The following RPS6KA2 variants were observed in gnomAD, a reference collection of about 807,000 sequenced individuals.
The protein encoded by RPS6KA2 is ribosomal protein S6 kinase A2.
RPS6KA2 carries 42 observed loss-of-function variants against 91.8 expected under a neutral mutation model. The ratio of observed to expected loss-of-function variants is 0.46; its 90% CI spans 0.36 to 0.59. The LOEUF (loss-of-function observed/expected upper bound fraction) is 0.59. RPS6KA2 is among the 20% of genes least tolerant of loss of function. The probability of loss-of-function intolerance (pLI) is 0.00; values close to 1 mark genes in which losing one functional copy is unlikely to be tolerated. For synonymous variants in RPS6KA2, 414 were observed against 393.6 expected, an observed-to-expected ratio of 1.05 and a Z score of -0.61; for missense variants, 798 against 978.5, an observed-to-expected ratio of 0.82 and a Z score of 2.46.
At chr6:166,722,484 G>A (rs1289956767) in intron 2 of RPS6KA2, among the ~76,000 whole-genome samples, 8 of 152,212 alleles carry the variant, frequency 5.3e-5, no homozygotes, top group East Asian at 1.9e-4. Context: ...TAAAATCACC[G>A]TGGCCCACGC....
At chr6:166,824,753 C>G (rs1485473665) in intron 2 of RPS6KA2, among the ~76,000 whole-genome samples, 88 of 108,900 alleles carry the variant, frequency 8.1e-4, no homozygotes, top group African/African-American at 2.8e-3. Context: ...GTCTGTATGT[C>G]TGTGTGTGTG....
intron 1 of RPS6KA2, among the ~76,000 whole-genome samples, chr6:166,550,757 C>G (rs1783977005): frequency 6.6e-6 from 1 of 152,072 alleles, no homozygotes; most frequent in Non-Finnish European, 1.5e-5. Flanking sequence ...AATCCCAGCA[C>G]TTTGGGAGGC....
intron 2 of RPS6KA2, among the ~76,000 whole-genome samples, chr6:166,708,344 C>T (rs1182744455): frequency 3.3e-5 from 5 of 152,154 alleles, no homozygotes; most frequent in African/African-American, 1.2e-4. Context: ...AAACATTATA[C>T]AGTTGGATAA....
chr6:166,855,711 T>C (rs1780881876), intron 2 of RPS6KA2, among the ~76,000 whole-genome samples: 1 of 152,336 alleles, frequency 6.6e-6, no homozygotes, highest in Middle Eastern at 3.4e-3. Flanking sequence ...AAAAACTCCA[T>C]GTTGGGTTTT....
chr6:166,567,959 C>A (rs1371620088), intron 1 of RPS6KA2, among the ~76,000 whole-genome samples: 1 of 152,216 alleles, frequency 6.6e-6, no homozygotes, highest in African/African-American at 2.4e-5. Flanking sequence ...AGTCCAAGGG[C>A]ACGCCAGTGC....
intron 5 of RPS6KA2, among the ~76,000 whole-genome samples, chr6:166,507,099 T>A (rs1168246321): frequency 6.6e-6 from 1 of 152,004 alleles, no homozygotes; most frequent in African/African-American, 2.4e-5. Flanking sequence ...CCACACCCGA[T>A]GCTCCCGAAC....
intron 2 of RPS6KA2, among the ~76,000 whole-genome samples, chr6:166,815,641 A>G (rs1779741710): frequency 6.6e-6 from 1 of 152,226 alleles, no homozygotes; most frequent in Non-Finnish European, 1.5e-5. Flanking sequence ...CCCAGTATGC[A>G]GGGCCATTCA....
chr6:166,717,160 G>T (rs1790036599), intron 2 of RPS6KA2, among the ~76,000 whole-genome samples: 1 of 152,250 alleles, frequency 6.6e-6, no homozygotes, highest in Non-Finnish European at 1.5e-5. Flanking sequence ...CAACTAGCAG[G>T]TAAGGAAGAG....
chr6:166,845,973 C>T (rs111838562), intron 2 of RPS6KA2, among the ~76,000 whole-genome samples: 5,181 of 151,454 alleles, frequency 0.034, 278 homozygotes, highest in African/African-American at 0.12. Flanking sequence ...CGAGATTAAC[C>T]AAGAAAAAAA....
At chr6:166,742,951 C>T (rs963896848) in intron 2 of RPS6KA2, among the ~76,000 whole-genome samples, 2 of 152,200 alleles carry the variant, frequency 1.3e-5, no homozygotes, top group African/African-American at 4.8e-5. Flanking sequence ...CATCCACCTA[C>T]CAGAGAGCAG....
At chr6:166,573,077 G>A (rs1443588652) in intron 1 of RPS6KA2, among the ~76,000 whole-genome samples, 1 of 152,212 alleles carries the variant, frequency 6.6e-6, no homozygotes, top group African/African-American at 2.4e-5. Context: ...AAGCTCTCGG[G>A]AGCCCTCCTT....
intron 2 of RPS6KA2, among the ~76,000 whole-genome samples, chr6:166,856,781 C>G (rs942049796): frequency 3.9e-5 from 6 of 152,168 alleles, no homozygotes; most frequent in African/African-American, 1.4e-4. Flanking sequence ...CCTTTCCTAC[C>G]CCTACCACTT....
intron 2 of RPS6KA2, among the ~76,000 whole-genome samples, chr6:166,794,427 C>A (rs1162241307): frequency 6.6e-6 from 1 of 151,976 alleles, no homozygotes; most frequent in East Asian, 1.9e-4. Flanking sequence ...CTAGTTCAAC[C>A]ATTGTGGAAG....
chr6:166,849,183 T>C lies in RPS6KA2; in HGVS notation c.123+9017A>G, dbSNP rs1780675229. On this transcript the variant is annotated intron_variant, in intron 2 of 21. Coordinates refer to the RPS6KA2 transcript ENST00000503859. This position sits in a 1 kb window ranked among gnomAD's most constrained non-coding sequence, Gnocchi z 4.9. ...CTGTCTGTCTGTCTGTCTGGGACAATCCACCCCTGGTCTTGCTGGTTGGTT... is the reference window on the plus strand; with the variant it reads ...CTGTCTGTCTGTCTGTCTGGGACAACCCACCCCTGGTCTTGCTGGTTGGTT... Among the ~76,000 whole-genome samples the C allele has an allele frequency of 6.6e-6, 1 of 151,824 alleles. No homozygotes were observed. Among genetic ancestry groups the C allele is most frequent in the East Asian group, 2.0e-4 (1 of 5,048 alleles).
chr6:166,716,659 G>A (rs1790022152), intron 2 of RPS6KA2, among the ~76,000 whole-genome samples: 1 of 152,076 alleles, frequency 6.6e-6, no homozygotes. Flanking sequence ...TGGAAAAGGG[G>A]GGTTGTAATA....
At chr6:166,586,970 G>C (rs1482340668) in intron 1 of RPS6KA2, among the ~76,000 whole-genome samples, 1 of 152,158 alleles carries the variant, frequency 6.6e-6, no homozygotes, top group African/African-American at 2.4e-5. Flanking sequence ...CCAATGGAGT[G>C]TGTCTGGATG....
upstream of RPS6KA2, among the ~76,000 whole-genome samples, chr6:166,629,958 G>C (rs541509667): frequency 0.014 from 2,171 of 152,232 alleles, 56 homozygotes; most frequent in African/African-American, 0.05. Context: ...TGGAAGAGAA[G>C]GTGAGTGAAC....
chr6:166,694,404 G>A (rs924895568), intron 2 of RPS6KA2, among the ~76,000 whole-genome samples: 1 of 152,262 alleles, frequency 6.6e-6, no homozygotes, highest in Admixed American at 6.5e-5. Flanking sequence ...TCCATTCACG[G>A]TCTTCCAATA....
intron 2 of RPS6KA2, among the ~76,000 whole-genome samples, chr6:166,667,931 T>C (rs1319762994): frequency 6.6e-6 from 1 of 152,106 alleles, no homozygotes; most frequent in Non-Finnish European, 1.5e-5. Flanking sequence ...CCTGCCTGCG[T>C]CGTTGGTAGA....
Sources: gnomAD v4.1 joint callset for allele counts (sites outside exome capture counted in the v4.1 genomes callset) on GRCh38, gnomAD v4.1.1 for gene constraint, Gnocchi (gnomAD v3.1) non-coding constraint, MANE v1.5 for transcripts, NCBI Gene and HGNC (gene_info 2026-07-23, HGNC 2026-07-21) for gene names.